Variants in CHEK1 observed in about 807,000 individuals in gnomAD.
CHEK1 encodes serine/threonine-protein kinase Chk1.
In CHEK1, 32 loss-of-function variants were observed where a neutral mutation model predicts 60.2. The observed-to-expected ratio is 0.53, with a 90% confidence interval of 0.40 to 0.71. The LOEUF is 0.71. Ranked by LOEUF, CHEK1 falls within the 30% of genes least tolerant of loss-of-function variation. The probability of loss-of-function intolerance (pLI) is 0.00; values close to 1 mark genes in which losing one functional copy is unlikely to be tolerated. For synonymous variants in CHEK1, 179 were observed against 187.2 expected (o/e 0.96, Z 0.36); for missense variants, 399 against 564.6 (o/e 0.71, Z 2.97).
rs1941885829 is a variant in CHEK1, at chr11:125,655,776, A to G, written c.*456A>G. 4.6e-6 allele frequency: 1 copy of G among 216,754 alleles called. No homozygotes were observed. Among genetic ancestry groups the G allele is most frequent in the South Asian group, 1.9e-4 (1 of 5,396 alleles). The allele number at this position is 216,754 out of a possible 1,614,324, so 13.4% of individuals were successfully genotyped here. A position where few individuals can be genotyped will look rare whatever the true frequency, so the allele number is the denominator to read the frequency against. ...GGACAGTAGATTTATCAGTCTGTGA[A>G]GCGAAGCCAGCTTCAAAACATATCC... On this transcript the variant is annotated 3_prime_UTR_variant, in exon 13 of 13. Coordinates refer to ENST00000438015, the MANE Select transcript of CHEK1 (RefSeq NM_001114122.3).
downstream of CHEK1, among the ~76,000 whole-genome samples, chr11:125,661,901 A>G (rs1942025354): frequency 6.6e-6 from 1 of 152,228 alleles, no homozygotes; most frequent in African/African-American, 2.4e-5. Flanking sequence ...ATACTGAGAC[A>G]TCCTGTGCAC....
At chr11:125,678,491 G>GT (rs1942632861), downstream of CHEK1, among the ~76,000 whole-genome samples, 1 of 152,166 alleles carries the variant, frequency 6.6e-6, no homozygotes, top group Admixed American at 6.5e-5. Context: ...GAAGTGTTTA[G>GT]TGAAACAAAC....
chr11:125,633,820 C>T (rs1463452645), intron 6 of CHEK1, among the ~76,000 whole-genome samples: 1 of 152,100 alleles, frequency 6.6e-6, no homozygotes, highest in Non-Finnish European at 1.5e-5. Context: ...GTATCATAGA[C>T]TGCATAGCTT....
intron 13 of CHEK1, among the ~76,000 whole-genome samples, chr11:125,675,622 A>G (rs1942466148): frequency 6.6e-6 from 1 of 152,218 alleles, no homozygotes; most frequent in South Asian, 2.1e-4. Flanking sequence ...ATATACTCAG[A>G]CTGGTCTGGT....
downstream of CHEK1, among the ~76,000 whole-genome samples, chr11:125,676,881 C>T (rs1354723698): frequency 3.9e-5 from 6 of 152,094 alleles, no homozygotes; most frequent in Non-Finnish European, 8.8e-5. Flanking sequence ...CATATTTGAC[C>T]GATTAATAAG....
intron 13 of CHEK1, among the ~76,000 whole-genome samples, chr11:125,672,907 G>A (rs1197054566): frequency 6.6e-6 from 1 of 151,940 alleles, no homozygotes; most frequent in Non-Finnish European, 1.5e-5. Flanking sequence ...TTCTTATATT[G>A]TCAGTCCGTT....
rs554688706 is a variant in CHEK1 at position 125,666,045 on chromosome 11, T to A, written c.*28-9883T>A. 1.7e-3 allele frequency among the ~76,000 whole-genome samples: 257 copies of A among 151,576 alleles called. 1 individual carries two copies. Among genetic ancestry groups the A allele is most frequent in the Non-Finnish European group, 1.9e-3 (130 of 67,796 alleles). ...CTATTAACTTTGGATTTGATTTTTT[T>A]AAAAAAATTTGGTTCTTTGTTTTAG... is the stretch of plus-strand genomic sequence containing the variant. On this transcript the variant is annotated intron_variant, in intron 13 of 13. Coordinates refer to the CHEK1 transcript ENST00000428830.
intron 11 of CHEK1, 125 bp downstream of exon 11, chr11:125,644,768 G>A: frequency 9.1e-7 from 1 of 1,101,482 alleles, no homozygotes; most frequent in Non-Finnish European, 1.3e-6. Context: ...CAGCTTTTTG[G>A]GAGGCTGGGG....
chr11:125,652,045 A>T (rs1162307363), intron 11 of CHEK1, among the ~76,000 whole-genome samples: 1 of 152,252 alleles, frequency 6.6e-6, no homozygotes, highest in African/African-American at 2.4e-5. Flanking sequence ...TTCCCAGAAC[A>T]TAGTGGGTTA....
Position 125,655,850 on chromosome 11 carries a change from C to A in CHEK1, c.*530C>A, listed in dbSNP as rs1427436159. 9.5e-6 allele frequency: 2 copies of A among 211,630 alleles called. No homozygotes were observed. The highest frequency in any genetic ancestry group is 4.5e-5 in the African/African-American group (2 of 44,214). The allele number at this position is 211,630 out of a possible 1,614,324, so 13.1% of individuals were successfully genotyped here. On this transcript the variant is annotated 3_prime_UTR_variant, in exon 13 of 13. Transcript: ENST00000438015. ...AAAAGGGCCTGGCCAGTTATATAAACCTGTTTTTGAATTATAATGATTAAT... is the reference window on the plus strand; with the variant it reads ...AAAAGGGCCTGGCCAGTTATATAAAACTGTTTTTGAATTATAATGATTAAT...
At chr11:125,680,648 C>T, downstream of CHEK1, 1 of 1,301,104 alleles carries the variant, frequency 7.7e-7, no homozygotes, top group South Asian at 1.3e-5. Flanking sequence ...GACTGAGAGA[C>T]TGGTCTTCCT....
At chr11:125,643,459 C>G in intron 8 of CHEK1, 1 of 174,612 alleles carries the variant, frequency 5.7e-6, no homozygotes, top group Non-Finnish European at 1.2e-5. Flanking sequence ...CGCCACTGCA[C>G]TCCAGCCTGG....
At chr11:125,678,270 G>A (rs757731408), downstream of CHEK1, 1 of 1,614,152 alleles carries the variant, frequency 6.2e-7, no homozygotes, top group South Asian at 1.1e-5. Flanking sequence ...TATGGAGCCA[G>A]AAAGCTCATT....
In CHEK1 at chr11:125,653,957, T is replaced by C; in HGVS notation, c.1335+110T>C. 1.7e-6 allele frequency: 1 copy of C among 589,016 alleles called. No individual in the cohort carries two copies. The highest frequency in any genetic ancestry group is 2.9e-6 in the Non-Finnish European group (1 of 342,092). The allele number at this position is 589,016 out of a possible 1,614,324, so 36.5% of individuals were successfully genotyped here. A position where few individuals can be genotyped will look rare whatever the true frequency, so the allele number is the denominator to read the frequency against. On this transcript the variant is annotated intron_variant, in intron 12 of 12. Coordinates refer to ENST00000438015, the MANE Select transcript of CHEK1 (RefSeq NM_001114122.3). This position sits in a 1 kb window ranked among gnomAD's most constrained non-coding sequence, Gnocchi z 4.3. ...CATTTGTAAATAGGTTACTTGCTTT[T>C]TTCGTTTAATATTATGAGCATGTGT... is the stretch of plus-strand genomic sequence containing the variant.
downstream of CHEK1, among the ~76,000 whole-genome samples, chr11:125,677,137 A>G (rs550411815): frequency 6.6e-6 from 1 of 152,346 alleles, no homozygotes; most frequent in East Asian, 1.9e-4. Context: ...CATTGGACAT[A>G]TTACATTTGC....
At chr11:125,662,742 C>G (rs1385743715) in intron 13 of CHEK1, among the ~76,000 whole-genome samples, 1 of 152,148 alleles carries the variant, frequency 6.6e-6, no homozygotes, top group African/African-American at 2.4e-5. Context: ...GATAAATGTA[C>G]TGGAGTGGCA....
At chr11:125,661,941 A>C (rs937102388), downstream of CHEK1, among the ~76,000 whole-genome samples, 10 of 152,204 alleles carry the variant, frequency 6.6e-5, no homozygotes, top group African/African-American at 2.4e-4. Context: ...ACTGGTATCC[A>C]ATAAAATAAT....
At chr11:125,645,272 T>C (rs1165841794) in intron 11 of CHEK1, among the ~76,000 whole-genome samples, 1 of 152,172 alleles carries the variant, frequency 6.6e-6, no homozygotes, top group Admixed American at 6.5e-5. Context: ...AACAGTTGAC[T>C]GCCTACTATG....
chr11:125,657,517 G>A (rs887832137), downstream of CHEK1, among the ~76,000 whole-genome samples: 3 of 151,952 alleles, frequency 2.0e-5, no homozygotes, highest in South Asian at 2.1e-4. Context: ...CTTTTCCTTC[G>A]TGTGTTTTAG....
Sources: gnomAD v4.1 joint callset for allele counts (sites outside exome capture counted in the v4.1 genomes callset) on GRCh38, gnomAD v4.1.1 for gene constraint, Gnocchi (gnomAD v3.1) non-coding constraint, MANE v1.5 for transcripts, NCBI Gene and HGNC (gene_info 2026-07-23, HGNC 2026-07-21) for gene names.